The following PTPRQ variants were observed in gnomAD, a reference collection of about 807,000 sequenced individuals.
PTPRQ encodes the protein protein tyrosine phosphatase receptor type Q, also known as phosphatidylinositol phosphatase PTPRQ.
Under a neutral mutation model 246.0 loss-of-function variants are expected in PTPRQ, and 199 were observed. The ratio of observed to expected loss-of-function variants is 0.81; its 90% CI spans 0.72 to 0.91. PTPRQ has a LOEUF of 0.91. PTPRQ is among the 40% of genes least tolerant of loss of function. The pLI, the probability that PTPRQ is intolerant of heterozygous loss-of-function variation, is 0.00. For missense variants in PTPRQ, 2,624 were observed against 2,528.4 expected (o/e 1.04, Z -0.81); for synonymous variants, 869 against 853.2 (o/e 1.02, Z -0.32).
chr12:80,598,171 A>G (rs1898030492), intron 26 of PTPRQ, among the ~76,000 whole-genome samples: 1 of 152,006 alleles, frequency 6.6e-6, no homozygotes, highest in Non-Finnish European at 1.5e-5. Flanking sequence ...ACAAATTCTT[A>G]GGCTTACTGT....
At chr12:80,653,961 A>G (rs190181167) in intron 38 of PTPRQ, among the ~76,000 whole-genome samples, 28 of 152,244 alleles carry the variant, frequency 1.8e-4, no homozygotes, top group African/African-American at 6.3e-4. Context: ...TAAGAGCAAG[A>G]TAACAAGACT....
intron 14 of PTPRQ, among the ~76,000 whole-genome samples, chr12:80,498,012 A>G (rs1261703810): frequency 6.6e-6 from 1 of 152,116 alleles, no homozygotes; most frequent in African/African-American, 2.4e-5. Flanking sequence ...GAGATGATAC[A>G]AAAGAGCCCA....
At chr12:80,543,538 TC>T (rs1896217045) in intron 23 of PTPRQ, among the ~76,000 whole-genome samples, 1 of 152,018 alleles carries the variant, frequency 6.6e-6, no homozygotes, top group African/African-American at 2.4e-5. Context: ...CTTATTTTTT[TC>T]CCCAAAGGCA....
intron 8 of PTPRQ, among the ~76,000 whole-genome samples, chr12:80,474,747 TA>T (rs1565729928): frequency 1.3e-5 from 2 of 151,912 alleles, no homozygotes; most frequent in Admixed American, 6.6e-5. Flanking sequence ...GTGTGAGGGG[TA>T]AAAAAAATAA....
At chr12:80,592,997 C>T (rs1007598323) in intron 26 of PTPRQ, among the ~76,000 whole-genome samples, 5 of 151,962 alleles carry the variant, frequency 3.3e-5, no homozygotes, top group African/African-American at 1.2e-4. Flanking sequence ...GGTTACAAAG[C>T]CAGACTCCAT....
intron 33 of PTPRQ, among the ~76,000 whole-genome samples, chr12:80,623,245 C>T (rs1489901298): frequency 1.3e-5 from 2 of 152,116 alleles, no homozygotes; most frequent in Non-Finnish European, 2.9e-5. Context: ...TATAAAAAGC[C>T]AGCCTCCACA....
chr12:80,463,208 T>C (rs1008324585), intron 6 of PTPRQ, among the ~76,000 whole-genome samples: 10 of 152,106 alleles, frequency 6.6e-5, no homozygotes, highest in Non-Finnish European at 2.9e-5. Flanking sequence ...GCACGAGAAC[T>C]ACGTGAAGAA....
chr12:80,464,448 T>TGGACAGATCAATG (rs1893326902), intron 6 of PTPRQ, among the ~76,000 whole-genome samples: 1 of 192 alleles, frequency 5.2e-3, no homozygotes, highest in Non-Finnish European at 0.026. Context: ...CTGTCAACAT[T>TGGACAGATCAATG]AGACAGAAAG....
At chr12:80,587,073 C>T (rs1170033560) in intron 25 of PTPRQ, among the ~76,000 whole-genome samples, 1 of 151,994 alleles carries the variant, frequency 6.6e-6, no homozygotes, top group Non-Finnish European at 1.5e-5. Context: ...GTTTACAGCT[C>T]CCCTGAATGT....
chr12:80,676,116 G>A (rs781624614), intron 43 of PTPRQ, among the ~76,000 whole-genome samples: 2 of 152,094 alleles, frequency 1.3e-5, no homozygotes, highest in Non-Finnish European at 2.9e-5. Context: ...TGTGATGACA[G>A]ACAGAAAAAT....
intron 25 of PTPRQ, 61 bp from the exon 26 acceptor site, chr12:80,588,068 C>T: frequency 6.9e-7 from 1 of 1,442,054 alleles, no homozygotes. Context: ...TCTATTCTTT[C>T]TTCTCTTTAT....
chr12:80,554,082 G>C (rs181265503), intron 25 of PTPRQ, among the ~76,000 whole-genome samples: 353 of 151,958 alleles, frequency 2.3e-3, no homozygotes, highest in African/African-American at 8.1e-3. Context: ...AGGGGCAGGG[G>C]GGGTAGGAAA....
intron 39 of PTPRQ, among the ~76,000 whole-genome samples, chr12:80,664,286 C>A (rs145073889): frequency 4.8e-4 from 73 of 152,066 alleles, no homozygotes; most frequent in Admixed American, 8.5e-4. Context: ...TCACCTACAT[C>A]TGATAGCCTT....
chr12:80,453,260 C>T (rs1168670469), intron 3 of PTPRQ, among the ~76,000 whole-genome samples: 3 of 152,142 alleles, frequency 2.0e-5, no homozygotes, highest in African/African-American at 4.8e-5. Context: ...TCTAGTTATA[C>T]ATTCGTCTAC....
intron 35 of PTPRQ, among the ~76,000 whole-genome samples, chr12:80,642,485 C>T (rs977201761): frequency 5.3e-5 from 8 of 152,264 alleles, no homozygotes; most frequent in African/African-American, 1.9e-4. Flanking sequence ...TTCAAATGTG[C>T]TAATGTGGAA....
In PTPRQ at chr12:80,542,254, T is replaced by A. The variant is rs1261779466; in HGVS notation, c.3611T>A (p.Ile1204Lys). Residue 1204 changes from isoleucine to lysine, a missense_variant, in exon 22 of 45, where the codon ATA becomes AAA. Physicochemically the swap from Ile to Lys is moderately radical, Grantham distance 102 (BLOSUM62 -3). Transcript: ENST00000644991. ...NYSFITSDNY[I>K]ILEELSPFTL... The stretch of plus-strand genomic sequence containing the variant: ...TCTTTCATTACTTCTGATAATTACA[T>A]AATATTGGAAGAGCTTTCACCATTT... 6.4e-7 allele frequency: 1 copy of A among 1,550,738 alleles called. No individual in the cohort carries two copies. Among genetic ancestry groups the A allele is most frequent in the African/African-American group, 1.4e-5 (1 of 73,036 alleles).
chr12:80,573,504 T>G (rs1897205509), intron 25 of PTPRQ, among the ~76,000 whole-genome samples: 1 of 151,876 alleles, frequency 6.6e-6, no homozygotes, highest in South Asian at 2.1e-4. Context: ...AAAAAAAAAT[T>G]ATTTTAAGTT....
Position 80,518,505 on chromosome 12 carries a change from C to T in PTPRQ, c.2678+8062C>T, listed in dbSNP as rs184917828. On this transcript the variant is annotated intron_variant, in intron 17 of 44. Transcript: ENST00000644991. Reference sequence around the variant, plus strand: ...TTAACTAGTTGTGATCCTGTTTGTCCGTTTTTGCTTTGGTTGCCTATGCTT... The same window carrying T: ...TTAACTAGTTGTGATCCTGTTTGTCTGTTTTTGCTTTGGTTGCCTATGCTT... Among the ~76,000 whole-genome samples the T allele has an allele frequency of 2.2e-4, 34 of 151,944 alleles. No homozygotes were observed. The East Asian group carries it at 4.7e-3, about 21-fold the overall frequency.
chr12:80,583,821 G>A (rs914027955), intron 25 of PTPRQ: 1 of 152,082 alleles, frequency 6.6e-6, no homozygotes, highest in Non-Finnish European at 1.5e-5. Flanking sequence ...TGTAACTCAG[G>A]GTCCTCTTTC....
Sources: allele counts gnomAD v4.1 joint callset (sites outside exome capture counted in the v4.1 genomes callset), GRCh38; gene constraint gnomAD v4.1.1; transcripts MANE v1.5; gene names NCBI Gene and HGNC (gene_info 2026-07-23, HGNC 2026-07-21).